METTL15: variants seen among roughly 807,000 people sequenced by gnomAD.
METTL15 encodes methyltransferase 15, mitochondrial 12S rRNA N4-cytidine.
In METTL15, 34 loss-of-function variants were observed where a neutral mutation model predicts 38.3. The observed-to-expected ratio is 0.89, with a 90% CI of 0.68 to 1.18. METTL15 has a LOEUF of 1.18. Among genes scored for constraint, METTL15 ranks in the 50% most tolerant of loss-of-function variants. The pLI, the probability that METTL15 is intolerant of heterozygous loss-of-function variation, is 0.00. For missense variants in METTL15, 438 were observed against 498.4 expected (o/e 0.88, Z 1.15); for synonymous variants, 162 against 170.9 (o/e 0.95, Z 0.41).
intron 5 of METTL15, among the ~76,000 whole-genome samples, chr11:28,416,712 A>G (rs1481491717): frequency 6.6e-6 from 1 of 152,192 alleles, no homozygotes; most frequent in Non-Finnish European, 1.5e-5. Context: ...CAGAGACTGG[A>G]CTGTCAAACT....
chr11:28,391,001 G>A (rs1181246653), intron 5 of METTL15, among the ~76,000 whole-genome samples: 5 of 152,084 alleles, frequency 3.3e-5, no homozygotes, highest in Non-Finnish European at 7.3e-5. Flanking sequence ...ATTGTGAATG[G>A]GAGTTCACTC....
At position 28,222,993 on chromosome 11, in the gene METTL15, A is replaced by T. The variant is rs548756038; in HGVS notation, c.407+11795A>T. On this transcript the variant is annotated intron_variant, in intron 4 of 6. Coordinates refer to ENST00000407364, the MANE Select transcript of METTL15 (RefSeq NM_001113528.2). ...TGAGGGCAATCAAAATAATAATGGT[A>T]TAATACTGAAAAACATAATTTTGCT... is the stretch of plus-strand genomic sequence containing the variant. Among the ~76,000 whole-genome samples the T allele has an allele frequency of 5.9e-5, 9 of 152,278 alleles. No individual in the cohort carries two copies. In the South Asian group the frequency reaches 1.9e-3, roughly 32 times the overall value.
chr11:28,428,124 T>C (rs1822986428), intron 6 of METTL15, among the ~76,000 whole-genome samples: 1 of 152,212 alleles, frequency 6.6e-6, no homozygotes, highest in African/African-American at 2.4e-5. Context: ...TGTCATTAGG[T>C]AATTTTGTAC....
At chr11:28,251,971 C>T (rs935278017) in intron 4 of METTL15, among the ~76,000 whole-genome samples, 13 of 152,044 alleles carry the variant, frequency 8.6e-5, no homozygotes, top group Admixed American at 5.9e-4. Context: ...CACCTAACTC[C>T]ATAATGTATA....
intron 6 of METTL15, among the ~76,000 whole-genome samples, chr11:28,461,652 G>T (rs537172917): frequency 8.5e-4 from 129 of 152,040 alleles, no homozygotes; most frequent in Non-Finnish European, 1.7e-3. Context: ...CAAAAAAAAA[G>T]AGATGTGGGG....
intron 3 of METTL15, among the ~76,000 whole-genome samples, chr11:28,344,061 T>A (rs1405614695): frequency 6.6e-6 from 1 of 152,210 alleles, no homozygotes; most frequent in Non-Finnish European, 1.5e-5. Flanking sequence ...TGGGACATAA[T>A]TCACCAGGTG....
intron 6 of METTL15, among the ~76,000 whole-genome samples, chr11:28,473,283 G>T (rs1346469194): frequency 6.6e-6 from 1 of 152,154 alleles, no homozygotes; most frequent in Non-Finnish European, 1.5e-5. Context: ...CCTGGAAAAT[G>T]GTGGTATGCC....
intron 6 of METTL15, among the ~76,000 whole-genome samples, chr11:28,471,623 A>T (rs949736673): frequency 6.6e-6 from 1 of 152,076 alleles, no homozygotes; most frequent in Non-Finnish European, 1.5e-5. Flanking sequence ...TTTCTGCTAA[A>T]TCTTTTGTCA....
At chr11:28,511,178 G>T (rs1238422941) in intron 6 of METTL15, among the ~76,000 whole-genome samples, 1 of 152,170 alleles carries the variant, frequency 6.6e-6, no homozygotes, top group African/African-American at 2.4e-5. Context: ...GACCAACACA[G>T]TGGGGGTGCT....
chr11:28,521,481 C>A (rs1167556837), intron 6 of METTL15, among the ~76,000 whole-genome samples: 1 of 152,184 alleles, frequency 6.6e-6, no homozygotes, highest in East Asian at 1.9e-4. Context: ...AGACTGTTGG[C>A]TTTATCTTGA....
intron 3 of METTL15, among the ~76,000 whole-genome samples, chr11:28,136,247 G>C (rs1023871555): frequency 6.6e-6 from 1 of 152,160 alleles, no homozygotes; most frequent in Non-Finnish European, 1.5e-5. Context: ...CTTGTGTCGA[G>C]GGTGGGCCAG....
intron 4 of METTL15, among the ~76,000 whole-genome samples, chr11:28,260,823 C>A (rs1590229500): frequency 6.6e-6 from 1 of 152,076 alleles, no homozygotes; most frequent in Admixed American, 6.6e-5. Context: ...CACTTCTTAC[C>A]CAGGTATTAC....
At chr11:28,426,433 T>C (rs185743965) in intron 6 of METTL15, among the ~76,000 whole-genome samples, 1 of 152,302 alleles carries the variant, frequency 6.6e-6, no homozygotes, top group Non-Finnish European at 1.5e-5. Context: ...CCTTTCAGTA[T>C]ATACCCAGGA....
chr11:28,498,908 A>G (rs1042198502), intron 6 of METTL15, among the ~76,000 whole-genome samples: 7 of 152,232 alleles, frequency 4.6e-5, no homozygotes, highest in African/African-American at 1.7e-4. Context: ...ATGCTTTTGT[A>G]TCCCAGATTA....
intron 4 of METTL15, among the ~76,000 whole-genome samples, chr11:28,216,072 A>G (rs1449606430): frequency 6.7e-6 from 1 of 150,114 alleles, no homozygotes; most frequent in African/African-American, 2.5e-5. Flanking sequence ...AAATGAAAAG[A>G]GTTAATGCTC....
At chr11:28,220,490 A>C (rs369212466) in intron 4 of METTL15, among the ~76,000 whole-genome samples, 66 of 152,172 alleles carry the variant, frequency 4.3e-4, no homozygotes, top group Admixed American at 4.2e-3. Context: ...AATACAGCAC[A>C]CTGATGAGTC....
At chr11:28,465,844 C>T (rs1851252558) in intron 6 of METTL15, among the ~76,000 whole-genome samples, 1 of 152,172 alleles carries the variant, frequency 6.6e-6, no homozygotes, top group African/African-American at 2.4e-5. Context: ...ATCACCCACT[C>T]TCCACACTTG....
intron 6 of METTL15, among the ~76,000 whole-genome samples, chr11:28,517,816 T>A (rs1851731901): frequency 1.3e-5 from 2 of 152,204 alleles, no homozygotes; most frequent in Admixed American, 1.3e-4. Flanking sequence ...GAGACTCCAG[T>A]GGTTTCTCAG....
intron 6 of METTL15, among the ~76,000 whole-genome samples, chr11:28,462,611 C>G (rs556752236): frequency 6.6e-6 from 1 of 151,974 alleles, no homozygotes; most frequent in South Asian, 2.1e-4. Flanking sequence ...GCCTGAGAAA[C>G]TGATGGTGGT....
Sources: allele counts gnomAD v4.1 joint callset (sites outside exome capture counted in the v4.1 genomes callset), GRCh38; gene constraint gnomAD v4.1.1; transcripts MANE v1.5; gene names NCBI Gene and HGNC (gene_info 2026-07-23, HGNC 2026-07-21).